The following IL31RA variants were observed in gnomAD, a reference collection of about 807,000 sequenced individuals.
The protein encoded by IL31RA is interleukin 31 receptor A, also known as interleukin-31 receptor subunit alpha.
In IL31RA, 66 loss-of-function variants were observed where a neutral mutation model predicts 83.7. The ratio of observed to expected loss-of-function variants is 0.79; its 90% confidence interval spans 0.65 to 0.97. IL31RA has a LOEUF of 0.97. Among genes scored for constraint, IL31RA ranks in the 50% least tolerant of loss-of-function variants. The pLI is 0.00. For synonymous variants in IL31RA, 325 were observed against 329.0 expected (o/e 0.99, Z 0.13); for missense variants, 798 against 919.4 (o/e 0.87, Z 1.71).
At chr5:55,871,232 T>C (rs1273665910) in intron 3 of IL31RA, among the ~76,000 whole-genome samples, 1 of 152,228 alleles carries the variant, frequency 6.6e-6, no homozygotes, top group Non-Finnish European at 1.5e-5. Flanking sequence ...CCACGACACA[T>C]TGCCCTGGAG....
chr5:55,894,221 G>C (rs1440645428), intron 6 of IL31RA, among the ~76,000 whole-genome samples: 1 of 151,882 alleles, frequency 6.6e-6, no homozygotes, highest in East Asian at 1.9e-4. Context: ...TGGAGTAAAG[G>C]TCCCTCTAAT....
At chr5:55,886,904 G>A (rs1747653101) in intron 5 of IL31RA, among the ~76,000 whole-genome samples, 1 of 152,176 alleles carries the variant, frequency 6.6e-6, no homozygotes, top group Non-Finnish European at 1.5e-5. Context: ...GCCTGGGCCT[G>A]GTCCCTCCTC....
upstream of IL31RA, among the ~76,000 whole-genome samples, chr5:55,847,020 G>A (rs989598536): frequency 3.2e-4 from 49 of 151,444 alleles, no homozygotes; most frequent in Non-Finnish European, 5.7e-4. Flanking sequence ...TGAGGCAGGT[G>A]GATCATGAGG....
upstream of IL31RA, among the ~76,000 whole-genome samples, chr5:55,847,245 AAAT>A (rs1561530244): frequency 0.034 from 621 of 18,196 alleles, 26 homozygotes; most frequent in African/African-American, 0.066. Flanking sequence ...AAAAAAATAA[AAAT>A]AAATAAATAA....
the IL31RA span, chr5:55,839,960 G>T: frequency 1.6e-6 from 1 of 639,880 alleles, no homozygotes; most frequent in South Asian, 1.7e-5. Flanking sequence ...CATCGGCCAA[G>T]CAAGACCAGG....
the IL31RA span, among the ~76,000 whole-genome samples, chr5:55,845,434 TGAGGGCAG>T: frequency 6.6e-6 from 1 of 151,970 alleles, no homozygotes; most frequent in African/African-American, 2.4e-5. Context: ...GTTAGGCTCT[TGAGGGCAG>T]GTGATATGGT....
intron 7 of IL31RA, 138 bp downstream of exon 7, chr5:55,896,567 TCCCC>T: frequency 4.9e-6 from 2 of 407,276 alleles, no homozygotes; most frequent in Non-Finnish European, 8.8e-6. Context: ...TCCCCTCCCC[TCCCC>T]TCCCTTCCCC....
At chr5:55,896,836 T>C (rs1196876949) in intron 7 of IL31RA, among the ~76,000 whole-genome samples, 1 of 80,516 alleles carries the variant, frequency 1.2e-5, no homozygotes, top group Admixed American at 1.5e-4. Context: ...TCTTTCTTTT[T>C]GGCAGAGTCT....
chr5:55,872,604 A>T (rs1008816397), intron 4 of IL31RA, among the ~76,000 whole-genome samples, 153 bp downstream of exon 4: 2 of 137,576 alleles, frequency 1.5e-5, no homozygotes, highest in African/African-American at 5.3e-5. Context: ...TAAAGAAGAA[A>T]GGAAGTGGGG....
intron 14 of IL31RA, among the ~76,000 whole-genome samples, chr5:55,916,217 C>T (rs2112593967): frequency 6.6e-6 from 1 of 152,008 alleles, no homozygotes; most frequent in South Asian, 2.1e-4. Flanking sequence ...CCCATCTCTA[C>T]AAAAAATTAA....
chr5:55,906,502 C>T (rs1476743146), intron 9 of IL31RA, among the ~76,000 whole-genome samples: 3 of 152,142 alleles, frequency 2.0e-5, no homozygotes, highest in Admixed American at 6.5e-5. Flanking sequence ...GGTATCTGAT[C>T]GATCTCCAGG....
intron 4 of IL31RA, among the ~76,000 whole-genome samples, chr5:55,882,134 A>G (rs888020388): frequency 5.9e-5 from 9 of 152,164 alleles, no homozygotes; most frequent in African/African-American, 2.2e-4. Context: ...CAGCGTGACA[A>G]TGGTCTGAGC....
chr5:55,867,961 T>C (rs977784845), intron 2 of IL31RA, among the ~76,000 whole-genome samples: 7 of 152,168 alleles, frequency 4.6e-5, no homozygotes, highest in African/African-American at 1.7e-4. Context: ...CAAGTTAAGA[T>C]TTGGGTGGGG....
chr5:55,867,268 C>T lies in IL31RA; in HGVS notation c.155-1523C>T, dbSNP rs865848321. Among the ~76,000 whole-genome samples the T allele has an allele frequency of 1.2e-3, 156 of 127,828 alleles. 5 individuals are homozygous for T. Among genetic ancestry groups the T allele is most frequent in the Middle Eastern group, 4.3e-3 (1 of 232 alleles). 83.9% of individuals were successfully genotyped at this position (127,828 alleles called of 152,430 possible). A position where few individuals can be genotyped will look rare whatever the true frequency, so the allele number is the denominator to read the frequency against. On this transcript the variant is annotated intron_variant, in intron 2 of 14. Transcript: ENST00000652347. ...GTTTGTGTGTGCGTGTGTTTGTGTG[C>T]GTGTGTGTGCATGTGTGTGTGCATG...
At chr5:55,847,248 T>TA (rs1419034770), upstream of IL31RA, among the ~76,000 whole-genome samples, 109 of 33,466 alleles carry the variant, frequency 3.3e-3, 3 homozygotes, top group African/African-American at 0.011. Context: ...AAAATAAAAA[T>TA]AAATAAATAA....
chr5:55,909,050 C>A (rs768318883), intron 11 of IL31RA: 1 of 252,778 alleles, frequency 4.0e-6, no homozygotes, highest in Non-Finnish European at 6.4e-6. Context: ...ACTCCCCATT[C>A]CTCTCCTCCC....
chr5:55,903,917 T>C lies in IL31RA; in HGVS notation c.1070-2189T>C, dbSNP rs889416079. ...CCCACATCAAGGTGCTGGTTGGCCA[T>C]GCTCCCTAAAGTCTCTAGGGGAGAA... On this transcript the variant is annotated intron_variant, in intron 8 of 14. Coordinates refer to ENST00000652347, the MANE Select transcript of IL31RA (RefSeq NM_139017.7). The surrounding 1 kb of genome is among the most constrained non-coding windows in gnomAD (Gnocchi z 4.7). 1.3e-5 allele frequency among the ~76,000 whole-genome samples: 2 copies of C among 152,222 alleles called. No individual in the cohort carries two copies. Among genetic ancestry groups the C allele is most frequent in the African/African-American group, 2.4e-5 (1 of 41,458 alleles).
At chr5:55,891,869 A>G (rs254986) in intron 6 of IL31RA, among the ~76,000 whole-genome samples, 94,458 of 145,206 alleles carry the variant, frequency 0.65, 31,424 homozygotes, top group African/African-American at 0.85. Context: ...TCCGCCTCCC[A>G]GGTTCACACC....
rs1215216093 is a variant in IL31RA, at chr5:55,913,520, CCTT to C, written c.1690_1692del (p.Leu564del). ...TCATAACTTCTCTGATTGGTGGAGG[CCTT>C]CTTATTCTCATTATCCTGACAGTGG... On this transcript the variant is annotated inframe_deletion, in exon 13 of 15. Transcript: ENST00000652347. 2 of 1,613,490 alleles carry C rather than the reference CCTT, an allele frequency of 1.2e-6. No homozygotes were observed. Among genetic ancestry groups the C allele is most frequent in the Non-Finnish European group, 1.7e-6 (2 of 1,179,564 alleles).
Sources: gnomAD v4.1 joint callset for allele counts (sites outside exome capture counted in the v4.1 genomes callset) on GRCh38, gnomAD v4.1.1 for gene constraint, Gnocchi (gnomAD v3.1) non-coding constraint, MANE v1.5 for transcripts, NCBI Gene and HGNC (gene_info 2026-07-23, HGNC 2026-07-21) for gene names.